The following NEDD9 variants were observed in gnomAD, a reference collection of about 807,000 sequenced individuals.
NEDD9 encodes the protein neural precursor cell expressed, developmentally down-regulated 9.
A neutral mutation model predicts 76.6 loss-of-function variants in NEDD9; 26 were observed. That is an observed-to-expected ratio of 0.34 (90% CI 0.25 to 0.47). The LOEUF is 0.47. Among genes scored for constraint, NEDD9 ranks in the 20% least tolerant of loss-of-function variants. The pLI is 1.00. For synonymous variants in NEDD9, 392 were observed against 414.2 expected (o/e 0.95, Z 0.65); for missense variants, 937 against 1,058.5 (o/e 0.89, Z 1.59).
At chr6:11,262,424 C>T (rs755219650) in intron 3 of NEDD9, among the ~76,000 whole-genome samples, 3 of 152,192 alleles carry the variant, frequency 2.0e-5, no homozygotes, top group South Asian at 2.1e-4. Context: ...CAAGAGCATG[C>T]GGTCTAAATT....
intron 3 of NEDD9, among the ~76,000 whole-genome samples, chr6:11,253,354 T>C (rs1284507715): frequency 2.0e-5 from 3 of 152,202 alleles, no homozygotes; most frequent in African/African-American, 7.2e-5. Flanking sequence ...GTAAGTGTAC[T>C]GTAGCAGTTA....
intron 3 of NEDD9, among the ~76,000 whole-genome samples, chr6:11,248,659 G>A (rs990167691): frequency 4.6e-5 from 7 of 152,144 alleles, no homozygotes; most frequent in African/African-American, 1.4e-4. Flanking sequence ...AGAAGGCATC[G>A]GAGCCTTTGG....
rs904498971 is a variant in NEDD9 at position 11,349,752 on chromosome 6, C to T, written c.-213-15191G>A. 2.6e-5 allele frequency among the ~76,000 whole-genome samples: 4 copies of T among 152,242 alleles called. No individual in the cohort carries two copies. In the South Asian group the frequency reaches 6.2e-4, roughly 24 times the overall value. On this transcript the variant is annotated intron_variant, in intron 1 of 3. Transcript: ENST00000397378. ...CATGGATAGATGTGGGGAAACAACA[C>T]ACACTGGGAACTAACTGAGGGTGGA...
chr6:11,225,057 G>A (rs1176791901), intron 1 of NEDD9, among the ~76,000 whole-genome samples: 1 of 152,172 alleles, frequency 6.6e-6, no homozygotes, highest in East Asian at 1.9e-4. Flanking sequence ...TTTGGTTACT[G>A]CAACTTTCTA....
At chr6:11,321,176 G>A (rs1306088623) in intron 2 of NEDD9, among the ~76,000 whole-genome samples, 1 of 145,704 alleles carries the variant, frequency 6.9e-6, no homozygotes, top group Non-Finnish European at 1.5e-5. Flanking sequence ...AAAGAAGGAA[G>A]GAGGGAGGGA....
intron 2 of NEDD9, among the ~76,000 whole-genome samples, chr6:11,310,560 G>C (rs975679859): frequency 1.3e-5 from 2 of 152,020 alleles, no homozygotes; most frequent in African/African-American, 4.8e-5. Flanking sequence ...CCTTGTTACT[G>C]TCAGGCAGCC....
chr6:11,223,726 C>T (rs1055755887), intron 1 of NEDD9, among the ~76,000 whole-genome samples: 15 of 152,164 alleles, frequency 9.9e-5, no homozygotes, highest in African/African-American at 3.1e-4. Context: ...GCAAATCCCC[C>T]GCACTGCTTA....
At chr6:11,292,359 G>C (rs1760797855) in intron 3 of NEDD9, among the ~76,000 whole-genome samples, 1 of 152,238 alleles carries the variant, frequency 6.6e-6, no homozygotes, top group Non-Finnish European at 1.5e-5. Flanking sequence ...CTTCTTGACA[G>C]TGTAATTTCT....
intron 2 of NEDD9, among the ~76,000 whole-genome samples, chr6:11,325,158 T>C (rs1005401284): frequency 6.6e-6 from 1 of 151,978 alleles, no homozygotes; most frequent in Admixed American, 6.6e-5. Context: ...AGTTTGAGAC[T>C]AGCCTGGCCA....
At chr6:11,218,671 G>T (rs1370134952) in intron 1 of NEDD9, among the ~76,000 whole-genome samples, 1 of 152,162 alleles carries the variant, frequency 6.6e-6, no homozygotes, top group Non-Finnish European at 1.5e-5. Context: ...CTCATTGTCT[G>T]CAGGGAGGGT....
chr6:11,356,707 C>T (rs1453160213), intron 1 of NEDD9, among the ~76,000 whole-genome samples: 1 of 151,908 alleles, frequency 6.6e-6, no homozygotes, highest in Admixed American at 6.6e-5. Context: ...TCTCTTTAAT[C>T]GTTGGCATCA....
chr6:11,205,747 C>T lies in NEDD9; in HGVS notation c.459+7534G>A, dbSNP rs561890987. Among the ~76,000 whole-genome samples, 6 of 152,234 alleles carry T rather than the reference C, an allele frequency of 3.9e-5. No homozygotes were observed. In the East Asian group the frequency reaches 1.2e-3, roughly 30 times the overall value. ...GTACAAGCGATTCTCCTGTCTCAGCCTCCGAAGTAACTCGGATTAACAGGC... is the reference window on the plus strand; with the variant it reads ...GTACAAGCGATTCTCCTGTCTCAGCTTCCGAAGTAACTCGGATTAACAGGC... On this transcript the variant is annotated intron_variant, in intron 2 of 6. Coordinates refer to ENST00000379446, the MANE Select transcript of NEDD9 (RefSeq NM_006403.4).
At chr6:11,313,510 AGATG>A (rs1339241423) in intron 2 of NEDD9, among the ~76,000 whole-genome samples, 2 of 127,358 alleles carry the variant, frequency 1.6e-5, no homozygotes, top group Non-Finnish European at 3.4e-5. Context: ...ATGAATGAAT[AGATG>A]GATGGGTGGA....
Position 11,186,406 on chromosome 6 carries a change from A to T in NEDD9, c.1996-735T>A, listed in dbSNP as rs1757982447. Among the ~76,000 whole-genome samples the T allele has an allele frequency of 2.0e-5, 3 of 152,270 alleles. No individual in the cohort carries two copies. The South Asian group carries it at 6.2e-4, about 32-fold the overall frequency. On this transcript the variant is annotated intron_variant, in intron 6 of 6. Coordinates refer to ENST00000379446, the MANE Select transcript of NEDD9 (RefSeq NM_006403.4). ...CTTTCTTCCTTCTTTCCTCATTGCTACCAAATGGTGTATTATTTAAATTGC... is the reference window on the plus strand; with the variant it reads ...CTTTCTTCCTTCTTTCCTCATTGCTTCCAAATGGTGTATTATTTAAATTGC...
intron 2 of NEDD9, among the ~76,000 whole-genome samples, chr6:11,197,348 A>G (rs917763243): frequency 6.6e-6 from 1 of 150,776 alleles, no homozygotes; most frequent in African/African-American, 2.4e-5. Context: ...TTAATTCATT[A>G]GTGTTGCCAG....
chr6:11,355,938 GTC>G (rs1208494611), intron 1 of NEDD9, among the ~76,000 whole-genome samples: 7 of 152,056 alleles, frequency 4.6e-5, no homozygotes, highest in Non-Finnish European at 7.4e-5. Context: ...AGCCAGGATG[GTC>G]TCGATCTCCT....
chr6:11,235,211 T>G (rs1355698879), upstream of NEDD9, among the ~76,000 whole-genome samples: 2 of 152,172 alleles, frequency 1.3e-5, no homozygotes, highest in African/African-American at 4.8e-5. This position sits in a 1 kb window ranked among gnomAD's most constrained non-coding sequence, Gnocchi z 4.1. Flanking sequence ...ATTTATGATA[T>G]TTTGTTAATA....
intron 1 of NEDD9, among the ~76,000 whole-genome samples, chr6:11,336,107 C>G (rs1037406575): frequency 6.6e-6 from 1 of 152,226 alleles, no homozygotes; most frequent in Non-Finnish European, 1.5e-5. Flanking sequence ...TCAGAGTCAG[C>G]CTTTCACAGT....
At chr6:11,226,851 T>C (rs1759322968) in intron 1 of NEDD9, among the ~76,000 whole-genome samples, 2 of 152,180 alleles carry the variant, frequency 1.3e-5, no homozygotes, top group Admixed American at 6.5e-5. Flanking sequence ...ATATATTATA[T>C]CCTATAACTA....
Sources: gnomAD v4.1 joint callset for allele counts (sites outside exome capture counted in the v4.1 genomes callset) on GRCh38, gnomAD v4.1.1 for gene constraint, Gnocchi (gnomAD v3.1) non-coding constraint, MANE v1.5 for transcripts, NCBI Gene and HGNC (gene_info 2026-07-23, HGNC 2026-07-21) for gene names.